The following UNC79 variants were observed in gnomAD, a reference collection of about 807,000 sequenced individuals.
UNC79 encodes the protein unc-79 subunit of NALCN channel complex.
Under a neutral mutation model 283.1 loss-of-function variants are expected in UNC79, and 37 were observed. The observed-to-expected ratio is 0.13, with a 90% CI of 0.10 to 0.17. The LOEUF is 0.17. UNC79 is among the 10% of genes least tolerant of loss of function. UNC79 has a pLI of 1.00. For missense variants in UNC79, 2,272 were observed against 3,211.1 expected, an observed-to-expected ratio of 0.71 and a Z score of 7.07; for synonymous variants, 1,107 against 1,200.2, an observed-to-expected ratio of 0.92 and a Z score of 1.61.
At chr14:93,485,212 A>G (rs1029661104) in intron 4 of UNC79, among the ~76,000 whole-genome samples, 129 of 58,664 alleles carry the variant, frequency 2.2e-3, no homozygotes, top group African/African-American at 5.9e-3. Context: ...ATATATGTGT[A>G]TATATATATA....
chr14:93,430,968 C>A lies in UNC79; in HGVS notation c.-62C>A, dbSNP rs1053042728. On this transcript the variant is annotated 5_prime_UTR_variant, in exon 1 of 49. Coordinates refer to ENST00000555664, the Ensembl canonical transcript of UNC79. The surrounding 1 kb of genome is among the most constrained non-coding windows in gnomAD (Gnocchi z 4.6). ...ACTCTTTTCCTCGCAACATCGCTGG[C>A]GGAGCGAGGGAGCTCACACGACACA... 44 of 697,544 alleles carry A rather than the reference C, an allele frequency of 6.3e-5. 1 individual carries two copies. The Admixed American group carries it at 7.8e-4, about 12-fold the overall frequency. The allele number at this position is 697,544 out of a possible 1,614,324, so 43.2% of individuals were successfully genotyped here.
chr14:93,523,704 G>A (rs2060424998), intron 7 of UNC79, among the ~76,000 whole-genome samples: 1 of 152,092 alleles, frequency 6.6e-6, no homozygotes, highest in Non-Finnish European at 1.5e-5. Flanking sequence ...GTGAAACCAT[G>A]GTTGTAAAAA....
rs186873849 is a variant in UNC79, at chr14:93,663,316, C to T, written c.6636+602C>T. 1.5e-3 allele frequency among the ~76,000 whole-genome samples: 232 copies of T among 152,290 alleles called. 2 individuals are homozygous for T. The highest frequency in any genetic ancestry group is 5.3e-3 in the African/African-American group (222 of 41,582). On this transcript the variant is annotated intron_variant, in intron 40 of 48. Coordinates refer to ENST00000555664, the Ensembl canonical transcript of UNC79. ...AGTACTGCTGGCCCAGTGGCAGTAG[C>T]AGCCTTGTTGGAGCTGGTAGATGCT...
chr14:93,553,355 A>G (rs8010571), intron 14 of UNC79, among the ~76,000 whole-genome samples: 39,105 of 152,082 alleles, frequency 0.26, 5,578 homozygotes, highest in East Asian at 0.69. Flanking sequence ...TGTTTAGTCC[A>G]TGAAATTAAC....
At chr14:93,584,411 A>G (rs1438790957) in intron 20 of UNC79, among the ~76,000 whole-genome samples, 1 of 152,178 alleles carries the variant, frequency 6.6e-6, no homozygotes, top group African/African-American at 2.4e-5. Context: ...ATGGGAAACA[A>G]CTAATTAGTG....
chr14:93,566,270 A>T (rs191207978), intron 14 of UNC79, among the ~76,000 whole-genome samples: 1 of 152,168 alleles, frequency 6.6e-6, no homozygotes, highest in Admixed American at 6.5e-5. Context: ...GGAAATTGAC[A>T]TGGGGCCAAG....
intron 1 of UNC79, among the ~76,000 whole-genome samples, chr14:93,422,235 G>C (rs886250972): frequency 6.6e-6 from 1 of 151,722 alleles, no homozygotes; most frequent in African/African-American, 2.4e-5. Context: ...AGGCTACCAG[G>C]TTGTAGGAAG....
chr14:93,569,630 C>T (rs1231594968), intron 14 of UNC79, among the ~76,000 whole-genome samples: 1 of 152,132 alleles, frequency 6.6e-6, no homozygotes, highest in Non-Finnish European at 1.5e-5. Flanking sequence ...GAAATTCTCC[C>T]AGCAGTGTTG....
At chr14:93,334,882 G>A (rs1345101779) in intron 1 of UNC79, 2 of 152,258 alleles carry the variant, frequency 1.3e-5, no homozygotes, top group East Asian at 3.9e-4. Flanking sequence ...AAAGAGCTAT[G>A]ATTAGCAAAC....
intron 4 of UNC79, 47 bp downstream of exon 4, chr14:93,477,775 G>T (rs575899221): frequency 6.4e-7 from 1 of 1,560,038 alleles, no homozygotes; most frequent in Admixed American, 1.9e-5. Context: ...TGTATGATAT[G>T]AATGGAAATT....
chr14:93,528,470 T>C, intron 8 of UNC79, 88 bp from the exon 9 acceptor site: 1 of 1,225,902 alleles, frequency 8.2e-7, no homozygotes, highest in Non-Finnish European at 1.2e-6. Flanking sequence ...GTGGAAAATC[T>C]GTCATTATTG....
chr14:93,473,639 A>G (rs2057640975), intron 2 of UNC79, among the ~76,000 whole-genome samples: 1 of 152,202 alleles, frequency 6.6e-6, no homozygotes, highest in African/African-American at 2.4e-5. Context: ...TGCCATACCT[A>G]TATTTTGCAA....
At chr14:93,481,996 A>G (rs1311374427) in intron 4 of UNC79, among the ~76,000 whole-genome samples, 2 of 152,186 alleles carry the variant, frequency 1.3e-5, no homozygotes, top group African/African-American at 4.8e-5. Context: ...AATGGTGATT[A>G]AGGATAACTT....
intron 39 of UNC79, among the ~76,000 whole-genome samples, chr14:93,661,255 G>C (rs1165009762): frequency 6.6e-6 from 1 of 152,070 alleles, no homozygotes; most frequent in Non-Finnish European, 1.5e-5. Flanking sequence ...GAATTAAATG[G>C]CACTGAGAAT....
At chr14:93,535,889 G>A (rs2061046895) in intron 11 of UNC79, among the ~76,000 whole-genome samples, 2 of 152,178 alleles carry the variant, frequency 1.3e-5, no homozygotes, top group African/African-American at 4.8e-5. Flanking sequence ...AGATTCAAGG[G>A]GAGGGAAACT....
intron 1 of UNC79, among the ~76,000 whole-genome samples, chr14:93,452,218 G>C (rs148470190): frequency 6.6e-6 from 1 of 152,128 alleles, no homozygotes; most frequent in Non-Finnish European, 1.5e-5. Flanking sequence ...AGTATTTACT[G>C]TCTTTTCGTT....
At chr14:93,706,677 C>G (rs1363246640) in intron 48 of UNC79, 27 bp from the exon 52 acceptor site, 10 of 1,613,398 alleles carry the variant, frequency 6.2e-6, no homozygotes, top group Non-Finnish European at 8.5e-6. Flanking sequence ...AAGAAATAAA[C>G]TAAAACCTCT....
chr14:93,653,665 C>T (rs767786388), intron 35 of UNC79, 77 bp from the exon 39 acceptor site: 51 of 1,329,232 alleles, frequency 3.8e-5, no homozygotes, highest in Non-Finnish European at 5.3e-5. Flanking sequence ...GTGCAAATGT[C>T]TGAACTCTAA....
At chr14:93,601,621 T>C (rs983572551) in intron 25 of UNC79, among the ~76,000 whole-genome samples, 2 of 152,230 alleles carry the variant, frequency 1.3e-5, no homozygotes, top group African/African-American at 4.8e-5. Context: ...AGAGACCCAG[T>C]AGTGGGATTG....
Sources: gnomAD v4.1 joint callset for allele counts (sites outside exome capture counted in the v4.1 genomes callset) on GRCh38, gnomAD v4.1.1 for gene constraint, Gnocchi (gnomAD v3.1) non-coding constraint, MANE v1.5 for transcripts, NCBI Gene and HGNC (gene_info 2026-07-23, HGNC 2026-07-21) for gene names.